The following GPATCH2L variants were observed in gnomAD, a reference collection of about 807,000 sequenced individuals.
GPATCH2L encodes the protein G patch domain-containing protein 2-like.
In GPATCH2L, 31 loss-of-function variants were observed where a neutral mutation model predicts 57.4. The ratio of observed to expected loss-of-function variants is 0.54; its 90% CI spans 0.41 to 0.73. GPATCH2L has a LOEUF of 0.73. GPATCH2L is among the 30% of genes least tolerant of loss of function. GPATCH2L has a pLI of 0.00. For missense variants in GPATCH2L, 481 were observed against 599.9 expected (o/e 0.80, Z 2.07); for synonymous variants, 199 against 210.7 (o/e 0.94, Z 0.48).
downstream of GPATCH2L, among the ~76,000 whole-genome samples, chr14:76,217,227 C>T (rs996112063): frequency 6.6e-6 from 1 of 152,114 alleles, no homozygotes; most frequent in Non-Finnish European, 1.5e-5. Context: ...TTTTTTCTGC[C>T]ACCTTTAAAG....
At chr14:76,215,584 C>A (rs1161141790), downstream of GPATCH2L, among the ~76,000 whole-genome samples, 12 of 151,492 alleles carry the variant, frequency 7.9e-5, no homozygotes, top group Non-Finnish European at 1.3e-4. Flanking sequence ...TACTATGCAG[C>A]CATAAAAAAT....
chr14:76,231,364 T>C (rs1396323710), intron 2 of GPATCH2L, among the ~76,000 whole-genome samples: 1 of 152,200 alleles, frequency 6.6e-6, no homozygotes, highest in Non-Finnish European at 1.5e-5. Flanking sequence ...GGGCTTCATG[T>C]GACCTTCTCT....
chr14:76,217,196 T>C (rs1349625057), downstream of GPATCH2L, among the ~76,000 whole-genome samples: 2 of 152,200 alleles, frequency 1.3e-5, no homozygotes, highest in Non-Finnish European at 2.9e-5. Flanking sequence ...TGCTGCAAGC[T>C]AAGAACGGTG....
chr14:76,164,905 G>T (rs1326312363), intron 2 of GPATCH2L, among the ~76,000 whole-genome samples: 1 of 152,186 alleles, frequency 6.6e-6, no homozygotes, highest in Non-Finnish European at 1.5e-5. Flanking sequence ...CTTACCTAGG[G>T]TGCCTCTGCT....
intron 5 of GPATCH2L, 143 bp downstream of exon 5, chr14:76,173,768 T>C (rs1292604724): frequency 6.4e-6 from 4 of 624,868 alleles, no homozygotes; most frequent in Non-Finnish European, 9.0e-6. Flanking sequence ...TTTACAAGAG[T>C]GAACATTATG....
At chr14:76,173,870 T>C (rs2039202486) in intron 5 of GPATCH2L, 2 of 500,772 alleles carry the variant, frequency 4.0e-6, no homozygotes, top group Non-Finnish European at 7.1e-6. Flanking sequence ...ACAGTGTCTA[T>C]TGCCTGTAAA....
rs1247359517 is a variant in GPATCH2L at position 76,206,230 on chromosome 14, G to A, written c.*4379G>A. 1 of 152,266 alleles carries A rather than the reference G, an allele frequency of 6.6e-6. No homozygotes were observed. Among genetic ancestry groups the A allele is most frequent in the Non-Finnish European group, 1.5e-5 (1 of 68,054 alleles). The allele number at this position is 152,266 out of a possible 1,614,324, so 9.4% of individuals were successfully genotyped here. ...CCCCTTAGAAGAAAACTGGTACAGAGGGAAAGGGTGAGGAAAATGGTGAGT... is the reference window on the plus strand; with the variant it reads ...CCCCTTAGAAGAAAACTGGTACAGAAGGAAAGGGTGAGGAAAATGGTGAGT... On this transcript the variant is annotated 3_prime_UTR_variant, in exon 10 of 10. Coordinates refer to ENST00000261530, the MANE Select transcript of GPATCH2L (RefSeq NM_017926.4).
rs369011586 is a variant in GPATCH2L, at chr14:76,211,628, A to G, written c.*9777A>G. On this transcript the variant is annotated 3_prime_UTR_variant, in exon 10 of 10. Coordinates refer to ENST00000261530, the MANE Select transcript of GPATCH2L (RefSeq NM_017926.4). ...TCTTCAGTGTCAAAGTTGTTCAACTACCAGTTAAGTTTTTTGGGCTTTGTT... is the reference window on the plus strand; with the variant it reads ...TCTTCAGTGTCAAAGTTGTTCAACTGCCAGTTAAGTTTTTTGGGCTTTGTT... The G allele has an allele frequency of 6.6e-6, 1 of 152,320 alleles. No homozygotes were observed. 9.4% of individuals were successfully genotyped at this position (152,320 alleles called of 1,614,324 possible). A position where few individuals can be genotyped will look rare whatever the true frequency, so the allele number is the denominator to read the frequency against.
At chr14:76,165,402 G>T (rs972187960) in intron 2 of GPATCH2L, among the ~76,000 whole-genome samples, 1 of 151,188 alleles carries the variant, frequency 6.6e-6, no homozygotes, top group Admixed American at 6.6e-5. Context: ...TGAGGTAGGA[G>T]AATTGCTTGA....
chr14:76,178,048 G>C lies in GPATCH2L; in HGVS notation c.1107+6G>C, dbSNP rs757227859. The stretch of plus-strand genomic sequence containing the variant: ...TTTCTGCTTGTGCACATGAGGTAAG[G>C]TTTCCTCTTTCTTGTTATTTTGATT... On this transcript the variant is annotated splice_donor_region_variant and intron_variant, in intron 7 of 9. Coordinates refer to ENST00000261530, the MANE Select transcript of GPATCH2L (RefSeq NM_017926.4). 2 of 1,591,850 alleles carry C rather than the reference G, an allele frequency of 1.3e-6. No homozygotes were observed. The highest frequency in any genetic ancestry group is 1.7e-4 in the Middle Eastern group (1 of 6,028).
At chr14:76,159,763 A>G (rs1167760068) in intron 2 of GPATCH2L, among the ~76,000 whole-genome samples, 1 of 152,152 alleles carries the variant, frequency 6.6e-6, no homozygotes, top group Non-Finnish European at 1.5e-5. Context: ...CTACCCTCAA[A>G]CACAAATACA....
intron 2 of GPATCH2L, among the ~76,000 whole-genome samples, chr14:76,155,493 T>C (rs1193910442): frequency 6.6e-6 from 1 of 152,224 alleles, no homozygotes; most frequent in African/African-American, 2.4e-5. Flanking sequence ...TTGGCTATAA[T>C]TCTGTTTTCT....
chr14:76,212,904 A>G lies in GPATCH2L; in HGVS notation c.*11053A>G, dbSNP rs1043237801. ...ATCCAAAATGTTTTTAAGCTCTTCAACTATTCTTGGGTTGATTAGGAAATG... is the reference window on the plus strand; with the variant it reads ...ATCCAAAATGTTTTTAAGCTCTTCAGCTATTCTTGGGTTGATTAGGAAATG... On this transcript the variant is annotated 3_prime_UTR_variant, in exon 10 of 10. Coordinates refer to ENST00000261530, the MANE Select transcript of GPATCH2L (RefSeq NM_017926.4). 2.6e-5 allele frequency: 4 copies of G among 152,184 alleles called. No homozygotes were observed. The highest frequency in any genetic ancestry group is 4.4e-5 in the Non-Finnish European group (3 of 68,020). The allele number at this position is 152,184 out of a possible 1,614,324, so 9.4% of individuals were successfully genotyped here.
chr14:76,226,775 G>A (rs1483945631), intron 1 of GPATCH2L, among the ~76,000 whole-genome samples: 2 of 152,160 alleles, frequency 1.3e-5, no homozygotes, highest in Non-Finnish European at 2.9e-5. Flanking sequence ...CCAGAACTGT[G>A]AAAAGTAAAT....
intron 6 of GPATCH2L, among the ~76,000 whole-genome samples, chr14:76,177,283 C>T (rs897750436): frequency 5.9e-5 from 9 of 152,070 alleles, no homozygotes; most frequent in African/African-American, 9.7e-5. Context: ...TGGGCTCAAG[C>T]GATTTGCACA....
At chr14:76,173,129 G>A (rs578072221) in intron 4 of GPATCH2L, among the ~76,000 whole-genome samples, 7 of 152,224 alleles carry the variant, frequency 4.6e-5, no homozygotes, top group Admixed American at 2.6e-4. Flanking sequence ...TATCCGACAC[G>A]TGCTATTTTC....
Position 76,182,085 on chromosome 14 carries a change from C to T in GPATCH2L, c.1193+1236C>T, listed in dbSNP as rs566753024. Among the ~76,000 whole-genome samples, 243 of 152,214 alleles carry T rather than the reference C, an allele frequency of 1.6e-3. 2 individuals carry two copies. The highest frequency in any genetic ancestry group is 5.7e-3 in the African/African-American group (236 of 41,526). On this transcript the variant is annotated intron_variant, in intron 8 of 9. Coordinates refer to ENST00000261530, the MANE Select transcript of GPATCH2L (RefSeq NM_017926.4). Reference sequence around the variant, plus strand: ...ATTAAGAATGTTGAACTGCCGGGCGCGGTGGCTCACGCCTGTAATCCCAGC... The same window carrying T: ...ATTAAGAATGTTGAACTGCCGGGCGTGGTGGCTCACGCCTGTAATCCCAGC...
intron 7 of GPATCH2L, chr14:76,179,164 T>C (rs1285112621): frequency 2.6e-5 from 4 of 152,068 alleles, no homozygotes; most frequent in Non-Finnish European, 4.4e-5. Context: ...CAAAATGAAC[T>C]AGAGTGGTAG....
At chr14:76,168,691 A>G (rs1342236660) in intron 3 of GPATCH2L, among the ~76,000 whole-genome samples, 1 of 152,224 alleles carries the variant, frequency 6.6e-6, no homozygotes, top group Admixed American at 6.5e-5. Flanking sequence ...ATTTTCTACT[A>G]CGTAAAGCAA....
Sources: gnomAD v4.1 joint callset for allele counts (sites outside exome capture counted in the v4.1 genomes callset) on GRCh38, gnomAD v4.1.1 for gene constraint, MANE v1.5 for transcripts, NCBI Gene and HGNC (gene_info 2026-07-23, HGNC 2026-07-21) for gene names.